The following UPF2 variants were observed in gnomAD, a reference collection of about 807,000 sequenced individuals.
UPF2 encodes UPF2 regulator of nonsense mediated mRNA decay, also known as regulator of nonsense transcripts 2.
UPF2 carries 17 observed loss-of-function variants against 141.4 expected under a neutral mutation model. That is an observed-to-expected ratio of 0.12 (90% CI 0.08 to 0.18). UPF2 has a LOEUF of 0.18. Ranked by LOEUF, UPF2 falls within the 10% of genes least tolerant of loss-of-function variation. The pLI, the probability that UPF2 is intolerant of heterozygous loss-of-function variation, is 1.00. For missense variants in UPF2, 1,152 were observed against 1,515.9 expected, an observed-to-expected ratio of 0.76 and a Z score of 3.99; for synonymous variants, 540 against 498.0, an observed-to-expected ratio of 1.08 and a Z score of -1.12.
chr10:11,931,794 T>C lies in UPF2; in HGVS notation c.3547-12A>G, dbSNP rs1239983556. 6.3e-7 allele frequency: 1 copy of C among 1,583,364 alleles called. No individual in the cohort carries two copies. Among genetic ancestry groups the C allele is most frequent in the Non-Finnish European group, 8.5e-7 (1 of 1,172,384 alleles). ...TTAAGGATCTTAAACTGGGAGAAAATAACAAAGGAGTTACAAATAGTTTGA... is the reference window on the plus strand; with the variant it reads ...TTAAGGATCTTAAACTGGGAGAAAACAACAAAGGAGTTACAAATAGTTTGA... On this transcript the variant is annotated splice_polypyrimidine_tract_variant and intron_variant, in intron 19 of 21. Transcript: ENST00000357604. The surrounding 1 kb of genome is among the most constrained non-coding windows in gnomAD (Gnocchi z 5.9).
chr10:12,035,520 C>T (rs1834609735), intron 1 of UPF2, 79 bp from the exon 2 acceptor site: 1 of 1,385,182 alleles, frequency 7.2e-7, no homozygotes, highest in African/African-American at 1.5e-5. Flanking sequence ...TTAAACAGAA[C>T]ATATTAATGC....
At chr10:12,003,923 C>CAAAAAAAAA (rs34191709) in intron 5 of UPF2, among the ~76,000 whole-genome samples, 1 of 81,556 alleles carries the variant, frequency 1.2e-5, no homozygotes, top group Non-Finnish European at 2.2e-5. Context: ...AACTCCGCCT[C>CAAAAAAAAA]AAAAAAAAAA....
chr10:11,949,889 A>G (rs1020687200), intron 15 of UPF2, among the ~76,000 whole-genome samples: 1 of 152,252 alleles, frequency 6.6e-6, no homozygotes, highest in Non-Finnish European at 1.5e-5. Context: ...ATAAAACTAG[A>G]ATCAACCTAA....
Position 11,939,348 on chromosome 10 carries a change from C to A in UPF2, c.3379-2636G>T, listed in dbSNP as rs1832907477. On this transcript the variant is annotated intron_variant, in intron 18 of 21. Coordinates refer to ENST00000357604, the MANE Select transcript of UPF2 (RefSeq NM_015542.4). The surrounding 1 kb of genome is among the most constrained non-coding windows in gnomAD (Gnocchi z 4.8). ...AATTAATTCTGCTGTGGAAATAAAA[C>A]AGAACGTCAACTTTATTTTTGTTTA... 1.3e-5 allele frequency among the ~76,000 whole-genome samples: 2 copies of A among 152,116 alleles called. No homozygotes were observed. The highest frequency in any genetic ancestry group is 4.1e-4 in the South Asian group (2 of 4,824).
Position 11,941,960 on chromosome 10 carries a change from C to G in UPF2, c.3378+705G>C, listed in dbSNP as rs1191970779. Among the ~76,000 whole-genome samples, 4 of 152,176 alleles carry G rather than the reference C, an allele frequency of 2.6e-5. No individual in the cohort carries two copies. In the East Asian group the frequency reaches 7.7e-4, roughly 29 times the overall value. ...TAAACATTAAATAACAAACATTTTT[C>G]CATTAACATAGAAGCTATTCAACTA... On this transcript the variant is annotated intron_variant, in intron 18 of 21. Coordinates refer to ENST00000357604, the MANE Select transcript of UPF2 (RefSeq NM_015542.4).
intron 3 of UPF2, among the ~76,000 whole-genome samples, chr10:12,018,523 G>A (rs1345314906): frequency 6.6e-6 from 1 of 152,114 alleles, no homozygotes; most frequent in African/African-American, 2.4e-5. Flanking sequence ...AAAGGTTGCA[G>A]TGAGCCAAGA....
At chr10:11,925,446 C>A (rs574526883) in intron 21 of UPF2, among the ~76,000 whole-genome samples, 1 of 152,354 alleles carries the variant, frequency 6.6e-6, no homozygotes, top group South Asian at 2.1e-4. Flanking sequence ...AGTGACTGAA[C>A]ACAGACTGTG....
chr10:11,952,030 A>T (rs757946305), intron 15 of UPF2, 36 bp downstream of exon 15: 2 of 1,553,776 alleles, frequency 1.3e-6, no homozygotes, highest in African/African-American at 2.7e-5. Flanking sequence ...TCTGCCAAAT[A>T]TCACCTTCAT....
intron 3 of UPF2, 24 bp downstream of exon 3, chr10:12,028,721 C>A (rs1035511314): frequency 6.5e-7 from 1 of 1,549,524 alleles, no homozygotes; most frequent in Non-Finnish European, 8.7e-7. Context: ...AAATTCTCAA[C>A]TCTGAGAAAC....
Position 11,980,752 on chromosome 10 carries a change from A to T in UPF2, c.1845-1587T>A, listed in dbSNP as rs1003005749. On this transcript the variant is annotated intron_variant, in intron 8 of 21. Coordinates refer to ENST00000357604, the MANE Select transcript of UPF2 (RefSeq NM_015542.4). The surrounding 1 kb of genome is among the most constrained non-coding windows in gnomAD (Gnocchi z 4.2). ...CCATCTCAAAAAAAGATTATTGCTGAGCACATCACTGTACCATACAATAAT... is the reference window on the plus strand; with the variant it reads ...CCATCTCAAAAAAAGATTATTGCTGTGCACATCACTGTACCATACAATAAT... Among the ~76,000 whole-genome samples the T allele has an allele frequency of 2.0e-5, 3 of 152,138 alleles. No individual in the cohort carries two copies. The highest frequency in any genetic ancestry group is 7.2e-5 in the African/African-American group (3 of 41,438).
chr10:12,012,570 A>G (rs994494782), intron 4 of UPF2, among the ~76,000 whole-genome samples: 73 of 151,694 alleles, frequency 4.8e-4, no homozygotes, highest in African/African-American at 1.7e-3. Context: ...CCCACAGCCA[A>G]TTCTCAATCA....
At position 11,947,585 on chromosome 10, in the gene UPF2, C is replaced by T. The variant is rs143768829; in HGVS notation, c.3174+784G>A. Among the ~76,000 whole-genome samples the T allele has an allele frequency of 6.6e-5, 10 of 151,766 alleles. No individual in the cohort carries two copies. In the East Asian group the frequency reaches 2.0e-3, roughly 30 times the overall value. On this transcript the variant is annotated intron_variant, in intron 16 of 21. Coordinates refer to ENST00000357604, the MANE Select transcript of UPF2 (RefSeq NM_015542.4). ...CTGCTTGAACCCAGGAGTTTGAGAC[C>T]AGCCTGGGCAATATAGCAAGATCCC... is the stretch of plus-strand genomic sequence containing the variant.
In UPF2 at chr10:11,939,691, A is replaced by G. The variant is rs1381206585; in HGVS notation, c.3378+2974T>C. Among the ~76,000 whole-genome samples the G allele has an allele frequency of 1.3e-5, 2 of 151,430 alleles. No homozygotes were observed. The highest frequency in any genetic ancestry group is 2.9e-5 in the Non-Finnish European group (2 of 67,858). On this transcript the variant is annotated intron_variant, in intron 18 of 21. Transcript: ENST00000357604. The surrounding 1 kb of genome is among the most constrained non-coding windows in gnomAD (Gnocchi z 4.8). The stretch of plus-strand genomic sequence containing the variant: ...CACCATGCCTGGCTAATTTTTTTGT[A>G]TTTTTAGTAGAGACAGGGTTTCACC...
chr10:12,017,288 C>T (rs1834239308), intron 3 of UPF2, among the ~76,000 whole-genome samples: 1 of 152,210 alleles, frequency 6.6e-6, no homozygotes, highest in South Asian at 2.1e-4. Flanking sequence ...CTTTAATTCT[C>T]TTAACAAGTT....
At chr10:11,988,218 G>A (rs551945522) in intron 8 of UPF2, among the ~76,000 whole-genome samples, 70 of 152,308 alleles carry the variant, frequency 4.6e-4, no homozygotes, top group African/African-American at 1.4e-3. Flanking sequence ...CTGGTTCCAG[G>A]AACTACTACC....
Position 11,935,943 on chromosome 10 carries a change from C to A in UPF2, c.3546+602G>T, listed in dbSNP as rs572181738. 1.3e-5 allele frequency among the ~76,000 whole-genome samples: 2 copies of A among 152,298 alleles called. No homozygotes were observed. The highest frequency in any genetic ancestry group is 3.9e-4 in the East Asian group (2 of 5,192). The stretch of plus-strand genomic sequence containing the variant: ...GGAGAAGGGTTGGTGTGATTTTCAA[C>A]TGACGGCAGCCGAGCCTCTTCCTGA... On this transcript the variant is annotated intron_variant, in intron 19 of 21. Transcript: ENST00000357604. The surrounding 1 kb of genome is among the most constrained non-coding windows in gnomAD (Gnocchi z 4.9).
intron 18 of UPF2, among the ~76,000 whole-genome samples, chr10:11,937,481 T>C (rs371655008): frequency 1.2e-4 from 18 of 152,254 alleles, no homozygotes; most frequent in African/African-American, 4.1e-4. Flanking sequence ...TGAATAGAAA[T>C]GGCACATTTG....
chr10:11,932,190 C>T (rs1187780878), intron 19 of UPF2, among the ~76,000 whole-genome samples: 1 of 151,922 alleles, frequency 6.6e-6, no homozygotes, highest in Non-Finnish European at 1.5e-5. Flanking sequence ...TCTTAATCAT[C>T]ATGAACTGGA....
chr10:11,924,127 C>T lies in UPF2; in HGVS notation c.3810-2820G>A, dbSNP rs1832681476. ...CAGAAAACCCTACATAATAGTTTTA[C>T]TTACAGCACTGCTGCCGTTTCAACT... On this transcript the variant is annotated intron_variant, in intron 21 of 21. Coordinates refer to ENST00000357604, the MANE Select transcript of UPF2 (RefSeq NM_015542.4). Among the ~76,000 whole-genome samples the T allele has an allele frequency of 3.9e-5, 6 of 152,332 alleles. No homozygotes were observed. In the South Asian group the frequency reaches 1.2e-3, roughly 32 times the overall value.
Sources: allele counts gnomAD v4.1 joint callset (sites outside exome capture counted in the v4.1 genomes callset), GRCh38; gene constraint gnomAD v4.1.1; non-coding constraint Gnocchi (gnomAD v3.1); transcripts MANE v1.5; gene names NCBI Gene and HGNC (gene_info 2026-07-23, HGNC 2026-07-21).